Variants in SLCO1A2 observed in about 807,000 individuals in gnomAD.
The protein encoded by SLCO1A2 is solute carrier organic anion transporter family member 1A2.
SLCO1A2 carries 67 observed loss-of-function variants against 69.0 expected under a neutral mutation model. That is an observed-to-expected ratio of 0.97 (90% CI 0.80 to 1.19). SLCO1A2 has a LOEUF of 1.19. Ranked by LOEUF, SLCO1A2 falls within the 50% of genes most tolerant of loss-of-function variation. SLCO1A2 has a pLI of 0.00. For synonymous variants in SLCO1A2, 260 were observed against 265.9 expected, an observed-to-expected ratio of 0.98 and a Z score of 0.22; for missense variants, 787 against 793.7, an observed-to-expected ratio of 0.99 and a Z score of 0.10.
chr12:21,311,883 G>GGGCGTGGTGGTAGACGCCCATAAT lies in SLCO1A2; in HGVS notation c.335+2665_335+2666insATTATGGGCGTCTACCACCACGCC, dbSNP rs1555115081. On this transcript the variant is annotated intron_variant, in intron 4 of 14. Transcript: ENST00000683939. ...AAAGGTTGCAGTGAGCTGAGATCAC[G>GGGCGTGGTGGTAGACGCCCATAAT]CCACTGCACTCGAGCCTGAGCAACA... The GGGCGTGGTGGTAGACGCCCATAAT allele has an allele frequency of 3.9e-5, 6 of 152,122 alleles. No individual in the cohort carries two copies. The East Asian group carries it at 5.8e-4, about 15-fold the overall frequency. The allele number at this position is 152,122 out of a possible 1,614,324, so 9.4% of individuals were successfully genotyped here. A position where few individuals can be genotyped will look rare whatever the true frequency, so the allele number is the denominator to read the frequency against.
chr12:21,386,578 G>T (rs1390925127), intron 1 of SLCO1A2, among the ~76,000 whole-genome samples: 3 of 152,016 alleles, frequency 2.0e-5, no homozygotes, highest in Non-Finnish European at 4.4e-5. Context: ...TAAGACGTGT[G>T]TTTGCTTCTC....
chr12:21,412,072 T>A (rs987813759), intron 1 of SLCO1A2, among the ~76,000 whole-genome samples: 4 of 152,180 alleles, frequency 2.6e-5, no homozygotes, highest in Admixed American at 2.6e-4. Context: ...TATAGAGATA[T>A]CAAATATGTT....
At chr12:21,305,328 G>A (rs1387103748) in intron 5 of SLCO1A2, among the ~76,000 whole-genome samples, 1 of 152,212 alleles carries the variant, frequency 6.6e-6, no homozygotes, top group Non-Finnish European at 1.5e-5. Flanking sequence ...CTGGTAAGCT[G>A]TGAGGAAGCT....
At chr12:21,321,914 T>A (rs557688353) in intron 2 of SLCO1A2, among the ~76,000 whole-genome samples, 1 of 152,130 alleles carries the variant, frequency 6.6e-6, no homozygotes, top group Non-Finnish European at 1.5e-5. Context: ...TGTCTATAAG[T>A]TCCTCTCTCA....
intron 2 of SLCO1A2, among the ~76,000 whole-genome samples, chr12:21,363,542 G>C (rs1476877263): frequency 1.3e-5 from 2 of 152,060 alleles, no homozygotes; most frequent in African/African-American, 4.8e-5. Context: ...AAATAACTAA[G>C]ATCAGAGCAG....
chr12:21,344,167 T>C (rs554408802), intron 2 of SLCO1A2, among the ~76,000 whole-genome samples: 2 of 152,262 alleles, frequency 1.3e-5, no homozygotes, highest in Non-Finnish European at 1.5e-5. Context: ...AGCAACTTTA[T>C]GAGCTATCAG....
chr12:21,414,136 G>A (rs1327744086), intron 1 of SLCO1A2, among the ~76,000 whole-genome samples: 1 of 152,020 alleles, frequency 6.6e-6, no homozygotes, highest in Non-Finnish European at 1.5e-5. Context: ...CCTTCCCCCT[G>A]TATCCAGCAA....
chr12:21,281,542 A>T (rs768571438), intron 12 of SLCO1A2, among the ~76,000 whole-genome samples: 1 of 152,144 alleles, frequency 6.6e-6, no homozygotes, highest in Non-Finnish European at 1.5e-5. Flanking sequence ...GAAGAAAAGA[A>T]ATAATAAAGA....
chr12:21,344,555 C>G (rs1050014371), intron 2 of SLCO1A2, among the ~76,000 whole-genome samples: 2 of 152,002 alleles, frequency 1.3e-5, no homozygotes, highest in African/African-American at 4.8e-5. Context: ...GACTGGCTCA[C>G]ATGTTAGAAA....
rs557712402 is a variant in SLCO1A2, at chr12:21,358,603, T to A, written c.-63+15796A>T. 5.8e-4 allele frequency among the ~76,000 whole-genome samples: 88 copies of A among 152,284 alleles called. No homozygotes were observed. The South Asian group carries it at 0.016, about 28-fold the overall frequency. ...TATATAGATAATTTTGTGTCTTATA[T>A]TTTATCACTAGTTAATACTTTTCAA... is the stretch of plus-strand genomic sequence containing the variant. On this transcript the variant is annotated intron_variant, in intron 2 of 15. Coordinates refer to the SLCO1A2 transcript ENST00000307378.
chr12:21,334,562 T>C (rs375481033), intron 2 of SLCO1A2, 26 bp downstream of exon 2: 43 of 1,561,834 alleles, frequency 2.8e-5, no homozygotes, highest in Non-Finnish European at 3.5e-5. Context: ...TACATGCACA[T>C]ATATCCACAT....
rs1413421400 is a variant in SLCO1A2, at chr12:21,334,177, G to A, written c.60+411C>T. On this transcript the variant is annotated intron_variant, in intron 2 of 14. Coordinates refer to ENST00000683939, the MANE Select transcript of SLCO1A2 (RefSeq NM_001386879.1). ...TTGCCAAAGCTTAAAGAAAACATTT[G>A]TTTTGCTGGGTAATTGCATACAAAT... is the stretch of plus-strand genomic sequence containing the variant. Among the ~76,000 whole-genome samples, 4 of 152,032 alleles carry A rather than the reference G, an allele frequency of 2.6e-5. No individual in the cohort carries two copies. The East Asian group carries it at 7.7e-4, about 29-fold the overall frequency.
intron 12 of SLCO1A2, among the ~76,000 whole-genome samples, chr12:21,286,918 C>G (rs1162644411): frequency 1.3e-5 from 2 of 151,540 alleles, no homozygotes; most frequent in Admixed American, 6.6e-5. Flanking sequence ...TAGAAGAAAA[C>G]CTAGGCATTA....
At chr12:21,360,797 G>T (rs1216534239) in intron 2 of SLCO1A2, among the ~76,000 whole-genome samples, 1 of 152,222 alleles carries the variant, frequency 6.6e-6, no homozygotes, top group African/African-American at 2.4e-5. Flanking sequence ...TGCTAGCACA[G>T]CAGTCTGAGA....
At chr12:21,399,102 A>G, upstream of SLCO1A2, among the ~76,000 whole-genome samples, 1 of 147,600 alleles carries the variant, frequency 6.8e-6, no homozygotes, top group African/African-American at 2.5e-5. Flanking sequence ...TTTGCAGATG[A>G]CATGATTGTA....
At chr12:21,396,230 A>G (rs1299594436), upstream of SLCO1A2, among the ~76,000 whole-genome samples, 1 of 151,346 alleles carries the variant, frequency 6.6e-6, no homozygotes, top group South Asian at 2.1e-4. Flanking sequence ...AGAATGCAGA[A>G]GCCTCAGGAG....
At chr12:21,419,310 G>A (rs9788265), upstream of SLCO1A2, 56,273 of 156,314 alleles carry the variant, frequency 0.36, 10,513 homozygotes, top group Middle Eastern at 0.45. Context: ...TGAGGTACCG[G>A]GTTCATCTCA....
chr12:21,273,412 A>G (rs1402064891), intron 14 of SLCO1A2, among the ~76,000 whole-genome samples: 2 of 152,166 alleles, frequency 1.3e-5, no homozygotes, highest in Non-Finnish European at 2.9e-5. Flanking sequence ...AAATGTAGGG[A>G]TCCATGGAGA....
chr12:21,374,777 G>T (rs181260154), intron 1 of SLCO1A2, among the ~76,000 whole-genome samples: 13 of 151,898 alleles, frequency 8.6e-5, no homozygotes, highest in Non-Finnish European at 1.9e-4. Flanking sequence ...AATTTACTAA[G>T]CACTTTTACC....
Sources: gnomAD v4.1 joint callset for allele counts (sites outside exome capture counted in the v4.1 genomes callset) on GRCh38, gnomAD v4.1.1 for gene constraint, MANE v1.5 for transcripts, NCBI Gene and HGNC (gene_info 2026-07-23, HGNC 2026-07-21) for gene names.